Variants in CRISP2 observed in about 807,000 individuals in gnomAD.
The protein encoded by CRISP2 is cysteine-rich secretory protein 2.
CRISP2 carries 29 observed loss-of-function variants against 31.7 expected under a neutral mutation model. That is an observed-to-expected ratio of 0.92 (90% CI 0.68 to 1.25). CRISP2 has a LOEUF of 1.25. CRISP2 is among the 50% of genes most tolerant of loss of function. The probability of loss-of-function intolerance (pLI) is 0.00; values close to 1 mark genes in which losing one functional copy is unlikely to be tolerated. For missense variants in CRISP2, 318 were observed against 286.5 expected, an observed-to-expected ratio of 1.11 and a Z score of -0.79; for synonymous variants, 111 against 101.4, an observed-to-expected ratio of 1.09 and a Z score of -0.57.
upstream of CRISP2, among the ~76,000 whole-genome samples, chr6:49,713,787 G>A (rs796224229): frequency 6.6e-6 from 1 of 152,206 alleles, no homozygotes; most frequent in Non-Finnish European, 1.5e-5. Flanking sequence ...CGCCGTACTA[G>A]GAGGAGGAGG....
At position 49,698,621 on chromosome 6, in the gene CRISP2, G is replaced by C. The variant is rs927607774; in HGVS notation, c.272-114C>G. On this transcript the variant is annotated intron_variant, in intron 6 of 9. Transcript: ENST00000339139. ...ACCCAGGGTCCAGCAGATGCTAACT[G>C]TTGATTAATACATAAAGGAGTGCCT... The C allele has an allele frequency of 1.4e-5, 15 of 1,053,452 alleles. No individual in the cohort carries two copies. The African/African-American group carries it at 1.8e-4, about 12-fold the overall frequency. 65.3% of individuals were successfully genotyped at this position (1,053,452 alleles called of 1,614,324 possible).
downstream of CRISP2, among the ~76,000 whole-genome samples, chr6:49,688,997 A>G (rs1299331462): frequency 2.6e-5 from 4 of 151,928 alleles, no homozygotes; most frequent in Non-Finnish European, 5.9e-5. Flanking sequence ...GCCTCCTCCC[A>G]AGTAGCTGGG....
chr6:49,681,314 T>C, the CRISP2 span, among the ~76,000 whole-genome samples: 1 of 152,172 alleles, frequency 6.6e-6, no homozygotes, highest in Admixed American at 6.6e-5. Context: ...AGGTGTGCTG[T>C]CTTAATTCTG....
At chr6:49,679,587 G>T in the CRISP2 span, among the ~76,000 whole-genome samples, 1 of 152,092 alleles carries the variant, frequency 6.6e-6, no homozygotes, top group African/African-American at 2.4e-5. Context: ...CAAATTTGGT[G>T]TCTGCCTTCC....
upstream of CRISP2, among the ~76,000 whole-genome samples, chr6:49,714,136 T>A (rs1768453973): frequency 6.6e-6 from 1 of 152,216 alleles, no homozygotes; most frequent in Non-Finnish European, 1.5e-5. Context: ...AAGTTTAGCA[T>A]ACGTATCAAG....
chr6:49,705,543 G>A (rs1177775234), intron 4 of CRISP2, among the ~76,000 whole-genome samples: 1 of 152,052 alleles, frequency 6.6e-6, no homozygotes, highest in African/African-American at 2.4e-5. Context: ...TCCCAGATCT[G>A]CCCAGAAAAA....
At chr6:49,684,675 C>T in the CRISP2 span, among the ~76,000 whole-genome samples, 1 of 152,092 alleles carries the variant, frequency 6.6e-6, no homozygotes, top group Non-Finnish European at 1.5e-5. Context: ...AATCAATATC[C>T]AATGGCATTA....
chr6:49,702,180 T>TATATATATAAAA (rs1766183934), intron 4 of CRISP2, among the ~76,000 whole-genome samples: 3 of 125,038 alleles, frequency 2.4e-5, no homozygotes, highest in African/African-American at 8.9e-5. Context: ...TATATATATA[T>TATATATATAAAA]ATAACATTTT....
downstream of CRISP2, among the ~76,000 whole-genome samples, chr6:49,690,171 T>C (rs1764003987): frequency 6.6e-6 from 1 of 152,132 alleles, no homozygotes; most frequent in Admixed American, 6.6e-5. Flanking sequence ...GAGAACAGAA[T>C]TGATGATAAA....
chr6:49,682,910 G>T, the CRISP2 span, among the ~76,000 whole-genome samples: 14 of 151,494 alleles, frequency 9.2e-5, no homozygotes, highest in South Asian at 2.1e-4. Context: ...TGTAATCTCA[G>T]CACTTTGTGA....
intron 4 of CRISP2, among the ~76,000 whole-genome samples, chr6:49,702,260 T>C (rs1395920530): frequency 6.8e-6 from 1 of 147,854 alleles, no homozygotes; most frequent in Non-Finnish European, 1.5e-5. Flanking sequence ...ATTGTACTGC[T>C]ATAAACATGC....
the CRISP2 span, among the ~76,000 whole-genome samples, chr6:49,685,819 T>A: frequency 6.6e-6 from 1 of 152,176 alleles, no homozygotes; most frequent in African/African-American, 2.4e-5. Context: ...CTATCCTGTT[T>A]TTGGGCTTTC....
intron 3 of CRISP2, among the ~76,000 whole-genome samples, chr6:49,710,509 C>A (rs961924635): frequency 3.9e-5 from 6 of 152,014 alleles, no homozygotes; most frequent in Non-Finnish European, 8.8e-5. Context: ...ACAATGGAGA[C>A]CCTTTATTTT....
At chr6:49,682,734 TTTC>T in the CRISP2 span, among the ~76,000 whole-genome samples, 1 of 148,598 alleles carries the variant, frequency 6.7e-6, no homozygotes, top group Non-Finnish European at 1.5e-5. Flanking sequence ...TTTCTTTTTC[TTTC>T]TTTTTTCTTC....
the CRISP2 span, among the ~76,000 whole-genome samples, chr6:49,679,137 C>T: frequency 1.3e-5 from 2 of 152,134 alleles, no homozygotes; most frequent in Non-Finnish European, 2.9e-5. Context: ...TGCATGAACA[C>T]ATTGGTAGTC....
the CRISP2 span, among the ~76,000 whole-genome samples, chr6:49,681,055 T>C: frequency 6.6e-6 from 1 of 152,232 alleles, no homozygotes; most frequent in Admixed American, 6.5e-5. Flanking sequence ...ATCTTCATTA[T>C]GAAATCTTTG....
intron 3 of CRISP2, 99 bp from the exon 4 acceptor site, chr6:49,709,304 AC>A: frequency 9.9e-7 from 1 of 1,007,544 alleles, no homozygotes; most frequent in South Asian, 1.5e-5. Flanking sequence ...TCTCAAAGGA[AC>A]TGTGATTCCC....
downstream of CRISP2, among the ~76,000 whole-genome samples, chr6:49,690,589 A>G (rs894269818): frequency 6.6e-6 from 1 of 152,074 alleles, no homozygotes; most frequent in Non-Finnish European, 1.5e-5. Flanking sequence ...TTGAGTTAGC[A>G]ATGATATCAT....
the CRISP2 span, among the ~76,000 whole-genome samples, chr6:49,683,400 C>T: frequency 8.3e-4 from 126 of 151,162 alleles, 1 homozygote; most frequent in African/African-American, 2.3e-3. Flanking sequence ...AACAGCCGGG[C>T]GCAGTGGCTC....
Sources: allele counts gnomAD v4.1 joint callset (sites outside exome capture counted in the v4.1 genomes callset), GRCh38; gene constraint gnomAD v4.1.1; transcripts MANE v1.5; gene names NCBI Gene and HGNC (gene_info 2026-07-23, HGNC 2026-07-21).